The following LARGE1 variants were observed in gnomAD, a reference collection of about 807,000 sequenced individuals.
The protein encoded by LARGE1 is xylosyl- and glucuronyltransferase LARGE1.
In LARGE1, 43 loss-of-function variants were observed where a neutral mutation model predicts 87.6. That is an observed-to-expected ratio of 0.49 (90% CI 0.38 to 0.63). The LOEUF (loss-of-function observed/expected upper bound fraction) is 0.63. Among genes scored for constraint, LARGE1 ranks in the 30% least tolerant of loss-of-function variants. LARGE1 has a pLI of 0.00. For missense variants in LARGE1, 802 were observed against 1,000.2 expected (o/e 0.80, Z 2.67); for synonymous variants, 434 against 394.6 (o/e 1.10, Z -1.18).
chr22:33,198,636 GACACACACACACACACAC>G (rs71187250), intron 11 of LARGE1, among the ~76,000 whole-genome samples: 8 of 137,676 alleles, frequency 5.8e-5, no homozygotes, highest in Non-Finnish European at 7.6e-5. Context: ...TATACACCGT[GACACACACACACACACAC>G]ACACACACAC....
chr22:33,837,316 G>C (rs185737142), intron 1 of LARGE1, among the ~76,000 whole-genome samples: 1 of 149,326 alleles, frequency 6.7e-6, no homozygotes, highest in Non-Finnish European at 1.5e-5. Context: ...ATATGGATAC[G>C]AACAGGATAT....
At chr22:33,619,124 C>T (rs1347801571) in intron 4 of LARGE1, among the ~76,000 whole-genome samples, 3 of 152,116 alleles carry the variant, frequency 2.0e-5, no homozygotes, top group African/African-American at 2.4e-5. Flanking sequence ...TTTGAGTGTC[C>T]GTGTGCCTAA....
At chr22:33,770,179 T>C (rs979061302) in intron 1 of LARGE1, among the ~76,000 whole-genome samples, 1 of 152,274 alleles carries the variant, frequency 6.6e-6, no homozygotes, top group African/African-American at 2.4e-5. Flanking sequence ...TCTTTTTGCA[T>C]GTATAGCCAA....
At chr22:33,740,013 CTTGCTGTG>C (rs2083818133) in intron 2 of LARGE1, among the ~76,000 whole-genome samples, 1 of 152,186 alleles carries the variant, frequency 6.6e-6, no homozygotes, top group African/African-American at 2.4e-5. Flanking sequence ...GTGTTTCAGA[CTTGCTGTG>C]TTGCTTTTCC....
chr22:33,607,177 G>A (rs2079288340), intron 4 of LARGE1, among the ~76,000 whole-genome samples: 1 of 152,070 alleles, frequency 6.6e-6, no homozygotes, highest in Admixed American at 6.5e-5. Context: ...TTAAGACAGT[G>A]TTGGCCAGGT....
At chr22:33,301,364 G>T (rs1378815667) in intron 12 of LARGE1, among the ~76,000 whole-genome samples, 2 of 152,042 alleles carry the variant, frequency 1.3e-5, no homozygotes, top group Non-Finnish European at 2.9e-5. Flanking sequence ...TTGGGGTGGG[G>T]GTGTGAGGAG....
intron 1 of LARGE1, among the ~76,000 whole-genome samples, chr22:33,814,400 T>C (rs2086589202): frequency 6.6e-6 from 1 of 152,200 alleles, no homozygotes; most frequent in African/African-American, 2.4e-5. Context: ...AGTTTTATGT[T>C]TCAACTTGGC....
intron 11 of LARGE1, among the ~76,000 whole-genome samples, chr22:33,170,755 T>C (rs1922524813): frequency 6.6e-6 from 1 of 152,210 alleles, no homozygotes. Context: ...GGTATCTTTA[T>C]AACAGTGTGA....
chr22:33,802,845 A>T (rs369446070), intron 1 of LARGE1, among the ~76,000 whole-genome samples: 2 of 152,168 alleles, frequency 1.3e-5, no homozygotes, highest in Admixed American at 6.5e-5. Context: ...TCCTTTGCAC[A>T]AGAGGGCAGG....
At chr22:33,429,054 G>C (rs1237724570) in intron 7 of LARGE1, among the ~76,000 whole-genome samples, 1 of 151,662 alleles carries the variant, frequency 6.6e-6, no homozygotes, top group East Asian at 2.0e-4. Flanking sequence ...AGATCTGCCT[G>C]AGTTCCTAAC....
In LARGE1 at chr22:33,870,864, G is replaced by A. The variant is rs577993728; in HGVS notation, c.-83+49131C>T. On this transcript the variant is annotated intron_variant, in intron 1 of 14. Transcript: ENST00000397394. ...ATTACAGGCGTGAGCCACCGTGCCC[G>A]GCCTGTCCCATTTTAAAGGAGGGAA... is the stretch of plus-strand genomic sequence containing the variant. Among the ~76,000 whole-genome samples, 16 of 152,192 alleles carry A rather than the reference G, an allele frequency of 1.1e-4. No individual in the cohort carries two copies. The South Asian group carries it at 1.5e-3, about 14-fold the overall frequency.
intron 6 of LARGE1, among the ~76,000 whole-genome samples, chr22:33,499,078 T>C (rs1413090946): frequency 6.6e-6 from 1 of 152,220 alleles, no homozygotes; most frequent in East Asian, 1.9e-4. Context: ...ATATAACTTT[T>C]GGGATGACAG....
chr22:33,593,304 A>G (rs1476529772), intron 5 of LARGE1, among the ~76,000 whole-genome samples: 1 of 152,128 alleles, frequency 6.6e-6, no homozygotes, highest in Non-Finnish European at 1.5e-5. Flanking sequence ...CAGCCTCCCA[A>G]AGTGCTGGGA....
At chr22:33,574,179 G>A in intron 5 of LARGE1, among the ~76,000 whole-genome samples, 1 of 152,168 alleles carries the variant, frequency 6.6e-6, no homozygotes, top group East Asian at 1.9e-4. Flanking sequence ...GAACTGGACT[G>A]TGATAAATTC....
chr22:33,722,022 C>T (rs2083113994), intron 2 of LARGE1, among the ~76,000 whole-genome samples: 1 of 152,128 alleles, frequency 6.6e-6, no homozygotes, highest in Non-Finnish European at 1.5e-5. Context: ...GAGGTCAAGG[C>T]GGTTGGATCA....
chr22:33,390,774 C>G (rs150097633), intron 7 of LARGE1, among the ~76,000 whole-genome samples: 1 of 151,376 alleles, frequency 6.6e-6, no homozygotes, highest in Non-Finnish European at 1.5e-5. Context: ...GCTCACTGCA[C>G]CCTCCGCCTC....
intron 9 of LARGE1, among the ~76,000 whole-genome samples, chr22:33,365,715 C>G (rs1371281975): frequency 6.6e-6 from 1 of 151,622 alleles, no homozygotes; most frequent in Non-Finnish European, 1.5e-5. Context: ...CTCCCGGGCT[C>G]AAGAAATTCT....
the LARGE1 span, among the ~76,000 whole-genome samples, chr22:33,136,585 A>G: frequency 6.6e-6 from 1 of 152,144 alleles, no homozygotes; most frequent in Non-Finnish European, 1.5e-5. Flanking sequence ...AACCTAAAAC[A>G]GATTGATAGT....
intron 9 of LARGE1, among the ~76,000 whole-genome samples, chr22:33,380,384 G>C (rs2065119657): frequency 6.6e-6 from 1 of 152,080 alleles, no homozygotes; most frequent in South Asian, 2.1e-4. Context: ...TTCAAGTGCA[G>C]TTAAAAAAAA....
Sources: allele counts gnomAD v4.1 joint callset (sites outside exome capture counted in the v4.1 genomes callset), GRCh38; gene constraint gnomAD v4.1.1; transcripts MANE v1.5; gene names NCBI Gene and HGNC (gene_info 2026-07-23, HGNC 2026-07-21).